Variants in PPM1E observed in about 807,000 individuals in gnomAD.
PPM1E encodes protein phosphatase, Mg2+/Mn2+ dependent 1E.
Under a neutral mutation model 65.9 loss-of-function variants are expected in PPM1E, and 20 were observed. That is an observed-to-expected ratio of 0.30 (90% CI 0.21 to 0.44). PPM1E has a LOEUF of 0.44. PPM1E is among the 20% of genes least tolerant of loss of function. The pLI is 1.00. For synonymous variants in PPM1E, 352 were observed against 374.9 expected (o/e 0.94, Z 0.70); for missense variants, 713 against 953.1 (o/e 0.75, Z 3.32).
intron 1 of PPM1E, among the ~76,000 whole-genome samples, chr17:58,872,599 T>C (rs2051083275): frequency 6.6e-6 from 1 of 152,224 alleles, no homozygotes; most frequent in South Asian, 2.1e-4. Flanking sequence ...CTGATCACTG[T>C]CCATTTGTTT....
At chr17:58,967,538 A>G (rs1016764957) in intron 3 of PPM1E, among the ~76,000 whole-genome samples, 2 of 150,642 alleles carry the variant, frequency 1.3e-5, no homozygotes, top group Non-Finnish European at 3.0e-5. Flanking sequence ...AGAGAGAGAG[A>G]GAGGGAGGGA....
chr17:58,952,139 A>G (rs1463703205), intron 1 of PPM1E, among the ~76,000 whole-genome samples: 1 of 152,206 alleles, frequency 6.6e-6, no homozygotes, highest in Non-Finnish European at 1.5e-5. Context: ...GAGTATCCCA[A>G]TGGCCTAGGC....
In PPM1E at chr17:58,908,144, C is replaced by T. The variant is rs544697045; in HGVS notation, c.465-47505C>T. The stretch of plus-strand genomic sequence containing the variant: ...TCATCCAGGCTGGAGTGCAGTGGCA[C>T]GATCTCAGCTCACTGCAACCTCTAC... On this transcript the variant is annotated intron_variant, in intron 1 of 6. Coordinates refer to ENST00000308249, the MANE Select transcript of PPM1E (RefSeq NM_014906.5). Among the ~76,000 whole-genome samples, 87 of 151,686 alleles carry T rather than the reference C, an allele frequency of 5.7e-4. No individual in the cohort carries two copies. The East Asian group carries it at 6.8e-3, about 12-fold the overall frequency.
intron 1 of PPM1E, among the ~76,000 whole-genome samples, chr17:58,839,445 A>G (rs182366118): frequency 1.3e-5 from 2 of 152,294 alleles, no homozygotes; most frequent in African/African-American, 4.8e-5. Context: ...AACCTCACCG[A>G]AGGGATGGGG....
chr17:58,870,707 A>G (rs566821672), intron 1 of PPM1E, among the ~76,000 whole-genome samples: 2 of 152,324 alleles, frequency 1.3e-5, no homozygotes, highest in Non-Finnish European at 2.9e-5. Flanking sequence ...ATTTGGGGTC[A>G]TTGCAAATTA....
In PPM1E at chr17:58,865,901, A is replaced by T. The variant is rs143171168; in HGVS notation, c.465-89748A>T. 1.3e-4 allele frequency among the ~76,000 whole-genome samples: 20 copies of T among 152,328 alleles called. No individual in the cohort carries two copies. The East Asian group carries it at 3.3e-3, about 25-fold the overall frequency. On this transcript the variant is annotated intron_variant, in intron 1 of 6. Transcript: ENST00000308249. ...GGCACAGAATTTAGATCTAAACAGC[A>T]TTATTTGCTGAGACAAAGAAGGCCA...
At chr17:58,935,654 A>G (rs530877084) in intron 1 of PPM1E, among the ~76,000 whole-genome samples, 1 of 152,292 alleles carries the variant, frequency 6.6e-6, no homozygotes, top group South Asian at 2.1e-4. Context: ...ATCTTATAGC[A>G]GTAGTCATAG....
chr17:58,869,931 C>G (rs2051051333), intron 1 of PPM1E, among the ~76,000 whole-genome samples: 1 of 152,178 alleles, frequency 6.6e-6, no homozygotes, highest in South Asian at 2.1e-4. Context: ...GTCAGAGAAT[C>G]TGGGATTGAA....
At position 58,836,891 on chromosome 17, in the gene PPM1E, G is replaced by A. The variant is rs1437422953; in HGVS notation, c.464+80430G>A. ...AAAAATTAGCCGGGCATGGTGGCGCGCGCCTGTAGTCCCAGCTACACGGGA... is the reference window on the plus strand; with the variant it reads ...AAAAATTAGCCGGGCATGGTGGCGCACGCCTGTAGTCCCAGCTACACGGGA... On this transcript the variant is annotated intron_variant, in intron 1 of 6. Transcript: ENST00000308249. 9.2e-3 allele frequency among the ~76,000 whole-genome samples: 1,374 copies of A among 149,914 alleles called. 25 individuals carry two copies. Among genetic ancestry groups the A allele is most frequent in the African/African-American group, 0.031 (1,268 of 40,994 alleles).
chr17:58,941,432 C>T lies in PPM1E; in HGVS notation c.465-14217C>T, dbSNP rs544849969. Among the ~76,000 whole-genome samples the T allele has an allele frequency of 1.6e-3, 241 of 152,182 alleles. 1 individual carries two copies. The highest frequency in any genetic ancestry group is 8.1e-4 in the Non-Finnish European group (55 of 68,008). On this transcript the variant is annotated intron_variant, in intron 1 of 6. Coordinates refer to ENST00000308249, the MANE Select transcript of PPM1E (RefSeq NM_014906.5). ...TGGTCATGCTGGGTGCAGTGGCTCA[C>T]GCCTGTAATCCCAGCACTTTGGGAG...
intron 2 of PPM1E, among the ~76,000 whole-genome samples, chr17:58,962,168 C>G (rs2030052095): frequency 6.6e-6 from 1 of 151,806 alleles, no homozygotes; most frequent in Non-Finnish European, 1.5e-5. Flanking sequence ...CCTGTAATCC[C>G]AGCTACTCGG....
chr17:58,947,847 T>C (rs2052183142), intron 1 of PPM1E, among the ~76,000 whole-genome samples: 1 of 152,182 alleles, frequency 6.6e-6, no homozygotes, highest in South Asian at 2.1e-4. Context: ...GGGGTCTCTG[T>C]TGGAAGACTC....
chr17:58,864,762 C>T (rs1021257601), intron 1 of PPM1E, among the ~76,000 whole-genome samples: 2 of 151,578 alleles, frequency 1.3e-5, no homozygotes, highest in Non-Finnish European at 2.9e-5. Flanking sequence ...ATGGTGAAAC[C>T]CCATCTGTAC....
At chr17:58,779,419 C>T (rs1260629720) in intron 1 of PPM1E, among the ~76,000 whole-genome samples, 8 of 151,904 alleles carry the variant, frequency 5.3e-5, no homozygotes, top group East Asian at 3.9e-4. Flanking sequence ...GTGATCTGCC[C>T]GCCTCAGCCT....
chr17:58,937,478 G>C (rs1225519134), intron 1 of PPM1E, among the ~76,000 whole-genome samples: 1 of 149,442 alleles, frequency 6.7e-6, no homozygotes, highest in Admixed American at 6.7e-5. Context: ...TGGCCAGGCT[G>C]GTCTCAAACT....
At chr17:58,939,870 A>T (rs967221459) in intron 1 of PPM1E, among the ~76,000 whole-genome samples, 6 of 152,316 alleles carry the variant, frequency 3.9e-5, no homozygotes, top group African/African-American at 1.4e-4. Context: ...ACTTCAAAAT[A>T]TCTGTTTATA....
chr17:58,875,388 A>AAAGT (rs1458922448), intron 1 of PPM1E, among the ~76,000 whole-genome samples: 9 of 152,192 alleles, frequency 5.9e-5, no homozygotes, highest in African/African-American at 1.9e-4. Flanking sequence ...ATCTTGGCTG[A>AAAGT]AAGTATAGCT....
intron 1 of PPM1E, among the ~76,000 whole-genome samples, chr17:58,769,495 G>A (rs1024809850): frequency 1.3e-5 from 2 of 152,132 alleles, no homozygotes; most frequent in Non-Finnish European, 2.9e-5. Flanking sequence ...TACTCGGGAG[G>A]CTGAGGTGGG....
Position 58,930,286 on chromosome 17 carries a change from G to GAC in PPM1E, c.465-25351_465-25350dup, listed in dbSNP as rs1226424474. 3.2e-4 allele frequency among the ~76,000 whole-genome samples: 37 copies of GAC among 117,368 alleles called. 1 individual carries two copies. In the East Asian group the frequency reaches 7.8e-3, roughly 25 times the overall value. 77.0% of individuals were successfully genotyped at this position (117,368 alleles called of 152,430 possible). On this transcript the variant is annotated intron_variant, in intron 1 of 6. Transcript: ENST00000308249. ...ACACACACACACACACACACACACA[G>GAC]ACACACACACACATATACATACAAA...
Sources: allele counts gnomAD v4.1 joint callset (sites outside exome capture counted in the v4.1 genomes callset), GRCh38; gene constraint gnomAD v4.1.1; transcripts MANE v1.5; gene names NCBI Gene and HGNC (gene_info 2026-07-23, HGNC 2026-07-21).